The following FBXO44 variants were observed in gnomAD, a reference collection of about 807,000 sequenced individuals.
FBXO44 encodes F-box protein 44.
A neutral mutation model predicts 33.5 loss-of-function variants in FBXO44; 25 were observed. The observed-to-expected ratio is 0.75, with a 90% CI of 0.54 to 1.04. FBXO44 has a LOEUF of 1.04. Among genes scored for constraint, FBXO44 ranks in the 50% least tolerant of loss-of-function variants. The pLI is 0.00. For missense variants in FBXO44, 311 were observed against 344.0 expected (o/e 0.90, Z 0.76); for synonymous variants, 147 against 152.8 (o/e 0.96, Z 0.28).
At chr1:11,656,971 C>T (rs1052385661) in intron 2 of FBXO44, among the ~76,000 whole-genome samples, 1 of 152,144 alleles carries the variant, frequency 6.6e-6, no homozygotes, top group Non-Finnish European at 1.5e-5. Flanking sequence ...GAGATCCAGT[C>T]GTCTTCTCAG....
chr1:11,660,956 T>C (rs1640143013), intron 5 of FBXO44, among the ~76,000 whole-genome samples, 174 bp from the exon 6 acceptor site: 1 of 136,292 alleles, frequency 7.3e-6, no homozygotes, highest in Non-Finnish European at 1.5e-5. Context: ...TTTTTTTTTC[T>C]TGTAGAGATG....
chr1:11,658,116 C>G (rs991700787), intron 2 of FBXO44, 151 bp from the exon 3 acceptor site: 7 of 1,264,610 alleles, frequency 5.5e-6, no homozygotes, highest in Admixed American at 2.4e-5. Flanking sequence ...GCACCTAATA[C>G]GCGGTGGGCA....
intron 5 of FBXO44, 110 bp downstream of exon 5, chr1:11,658,981 C>A: frequency 7.3e-7 from 1 of 1,374,604 alleles, no homozygotes; most frequent in Non-Finnish European, 9.9e-7. Flanking sequence ...CCTGTGCTTC[C>A]AATGCTCTGA....
At chr1:11,658,685 C>T (rs543294017) in intron 4 of FBXO44, 51 bp from the exon 5 acceptor site, 46 of 1,607,392 alleles carry the variant, frequency 2.9e-5, no homozygotes, top group South Asian at 5.5e-5. Flanking sequence ...GCCCCACCCC[C>T]GCCCTGCCCC....
In FBXO44 at chr1:11,662,954, CTTTTTTTTTTT is replaced by C. The variant is rs60133415; in HGVS notation, c.*1691_*1701del. On this transcript the variant is annotated 3_prime_UTR_variant, in exon 6 of 6. Transcript: ENST00000251547. Reference sequence around the variant, plus strand: ...GTAAGTTCCTTTTTTCTTTTCTTTTCTTTTTTTTTTTTTTTTTTTTGAGATGGAGTCTCGCT... The same window carrying C: ...GTAAGTTCCTTTTTTCTTTTCTTTTCTTTTTTTTTGAGATGGAGTCTCGCT... 1.6e-5 allele frequency: 2 copies of C among 126,602 alleles called. No individual in the cohort carries two copies. The highest frequency in any genetic ancestry group is 3.3e-5 in the African/African-American group (1 of 30,720). 7.8% of individuals were successfully genotyped at this position (126,602 alleles called of 1,614,324 possible). A position where few individuals can be genotyped will look rare whatever the true frequency, so the allele number is the denominator to read the frequency against.
rs1293742468 is a variant in FBXO44 at position 11,659,002 on chromosome 1, C to T, written c.624+131C>T. The stretch of plus-strand genomic sequence containing the variant: ...CTTCCAATGCTCTGAGCTTCACTCG[C>T]TGTTTCTGTAAAATGGGTATATAGT... On this transcript the variant is annotated intron_variant, in intron 5 of 5. Coordinates refer to ENST00000251547, the MANE Select transcript of FBXO44 (RefSeq NM_033182.7). The T allele has an allele frequency of 9.9e-6, 12 of 1,208,922 alleles. No individual in the cohort carries two copies. The East Asian group carries it at 3.0e-4, about 30-fold the overall frequency. 74.9% of individuals were successfully genotyped at this position (1,208,922 alleles called of 1,614,324 possible).
At chr1:11,660,454 C>T (rs573157166) in intron 5 of FBXO44, among the ~76,000 whole-genome samples, 1 of 152,322 alleles carries the variant, frequency 6.6e-6, no homozygotes, top group Non-Finnish European at 1.5e-5. Flanking sequence ...GCCACCGCGC[C>T]GGGCACTTTT....
chr1:11,658,396 A>G lies in FBXO44; in HGVS notation c.392+3A>G. ...AAATACTTCGTTACTTCATATTAGT[A>G]AGATCCGGGGACTTGGGGTAGGGGA... On this transcript the variant is annotated splice_donor_region_variant and intron_variant, in intron 3 of 5. Transcript: ENST00000251547. 1 of 1,613,828 alleles carries G rather than the reference A, an allele frequency of 6.2e-7. No individual in the cohort carries two copies. Among genetic ancestry groups the G allele is most frequent in the Non-Finnish European group, 8.5e-7 (1 of 1,179,950 alleles).
chr1:11,658,243 G>A (rs1461495938), intron 2 of FBXO44, 24 bp from the exon 3 acceptor site: 1 of 1,613,228 alleles, frequency 6.2e-7, no homozygotes, highest in Non-Finnish European at 8.5e-7. Context: ...CTTCCCTTCA[G>A]TGTGAACTCT....
chr1:11,654,675 G>C (rs1639639660), upstream of FBXO44: 2 of 265,264 alleles, frequency 7.5e-6, no homozygotes, highest in Non-Finnish European at 1.4e-5. Flanking sequence ...GGCGGCTAGG[G>C]GAGGCACGGA....
rs200308521 is a variant in FBXO44, at chr1:11,655,926, C to T, written c.91C>T (p.Arg31Cys). Reference sequence around the variant, plus strand: ...CGCCCGCCAGCTGCTGCTGAACTGCCGCCTGGTCTGCAGCCTCTGGCGGGA... The same window carrying T: ...CGCCCGCCAGCTGCTGCTGAACTGCTGCCTGGTCTGCAGCCTCTGGCGGGA... ...VPARQLLLNC[R>C]LVCSLWRDLI... Residue 31 changes from arginine (R) to cysteine (C), a missense_variant, in exon 2 of 6, where the codon CGC becomes TGC. Physicochemically the swap from Arg to Cys is radical, Grantham distance 180 (BLOSUM62 -3). Coordinates refer to ENST00000251547, the MANE Select transcript of FBXO44 (RefSeq NM_033182.7). 310 of 1,613,892 alleles carry T rather than the reference C, an allele frequency of 1.9e-4. No individual in the cohort carries two copies. Among genetic ancestry groups the T allele is most frequent in the Non-Finnish European group, 2.3e-4 (276 of 1,180,046 alleles).
intron 5 of FBXO44, among the ~76,000 whole-genome samples, chr1:11,659,255 C>T (rs1420615667): frequency 1.3e-5 from 2 of 152,142 alleles, no homozygotes; most frequent in African/African-American, 4.8e-5. Context: ...GGCGTGGTGG[C>T]ACATGCCAGC....
In FBXO44 at chr1:11,654,921, C is replaced by G. The variant is rs1368202463; in HGVS notation, c.-62C>G. ...GTCCAGGCGGTGCAGCTTGGGCGGC[C>G]CAACGGATCGTGCCGCGGCGGCCGA... On this transcript the variant is annotated 5_prime_UTR_variant, in exon 1 of 6. Transcript: ENST00000251547. 1.3e-5 allele frequency: 2 copies of G among 148,178 alleles called. No individual in the cohort carries two copies. Among genetic ancestry groups the G allele is most frequent in the Non-Finnish European group, 3.0e-5 (2 of 66,530 alleles). 9.2% of individuals were successfully genotyped at this position (148,178 alleles called of 1,614,324 possible).
chr1:11,659,384 A>AAAAAG (rs1238617878), intron 5 of FBXO44, among the ~76,000 whole-genome samples: 2 of 152,102 alleles, frequency 1.3e-5, no homozygotes, highest in African/African-American at 2.4e-5. Context: ...ATCTCAACAA[A>AAAAAG]AAAAGAAAAG....
intron 5 of FBXO44, 66 bp downstream of exon 5, chr1:11,658,937 G>C (rs1004115444): frequency 6.3e-6 from 10 of 1,584,838 alleles, no homozygotes; most frequent in Non-Finnish European, 8.5e-6. Flanking sequence ...GTCAGACGGG[G>C]CCTAGGTTCA....
At chr1:11,658,688 C>T (rs764944524) in intron 4 of FBXO44, 48 bp from the exon 5 acceptor site, 2 of 1,605,074 alleles carry the variant, frequency 1.2e-6, no homozygotes, top group African/African-American at 2.7e-5. Flanking sequence ...CCACCCCCGC[C>T]CTGCCCCCAA....
chr1:11,658,603 C>T lies in FBXO44; in HGVS notation c.463C>T (p.Arg155Trp), dbSNP rs1357810699. Residue 155 changes from arginine (R) to tryptophan (W), a missense_variant, in exon 4 of 6, where the codon CGG (arginine) becomes TGG (tryptophan). Physicochemically the swap from Arg to Trp is moderately radical, Grantham distance 101 (BLOSUM62 -3). Transcript: ENST00000251547. ...TTGGGAGGAGCTGATGGATACCACA[C>T]GGCCGGACATCGAGGTCAAGGACTG... ...GYWEELMDTT[R>W]PDIEVKDWFA... 2.7e-5 allele frequency: 44 copies of T among 1,613,110 alleles called. No homozygotes were observed. Among genetic ancestry groups the T allele is most frequent in the East Asian group, 2.5e-4 (11 of 44,802 alleles).
chr1:11,660,919 A>G (rs921380160), intron 5 of FBXO44, among the ~76,000 whole-genome samples: 2 of 151,998 alleles, frequency 1.3e-5, no homozygotes, highest in African/African-American at 2.4e-5. Context: ...CTAGAACTAC[A>G]GGCACACACC....
upstream of FBXO44, chr1:11,654,626 G>A (rs1266478955): frequency 3.0e-6 from 1 of 331,284 alleles, no homozygotes; most frequent in Admixed American, 5.0e-5. Flanking sequence ...TCCGATTTGG[G>A]GCATCTCGCA....
Sources: gnomAD v4.1 joint callset for allele counts (sites outside exome capture counted in the v4.1 genomes callset) on GRCh38, gnomAD v4.1.1 for gene constraint, MANE v1.5 for transcripts, NCBI Gene and HGNC (gene_info 2026-07-23, HGNC 2026-07-21) for gene names.